The following SPTB variants were observed in gnomAD, a reference collection of about 807,000 sequenced individuals.
SPTB encodes spectrin beta, erythrocytic.
A neutral mutation model predicts 256.2 loss-of-function variants in SPTB; 45 were observed. That is an observed-to-expected ratio of 0.18 (90% CI 0.14 to 0.23). The LOEUF (loss-of-function observed/expected upper bound fraction) is 0.23. Among genes scored for constraint, SPTB ranks in the 10% least tolerant of loss-of-function variants. The probability of loss-of-function intolerance (pLI) is 1.00; values close to 1 mark genes in which losing one functional copy is unlikely to be tolerated. For missense variants in SPTB, 2,715 were observed against 3,040.4 expected, an observed-to-expected ratio of 0.89 and a Z score of 2.52; for synonymous variants, 1,231 against 1,243.1, an observed-to-expected ratio of 0.99 and a Z score of 0.21.
intron 1 of SPTB, among the ~76,000 whole-genome samples, chr14:64,829,853 A>G (rs142551200): frequency 4.5e-4 from 68 of 152,292 alleles, no homozygotes; most frequent in African/African-American, 1.6e-3. Context: ...CTCCAAGATC[A>G]TCTCCCCACA....
intron 1 of SPTB, among the ~76,000 whole-genome samples, chr14:64,834,708 A>T (rs2083496235): frequency 6.6e-6 from 1 of 152,172 alleles, no homozygotes; most frequent in Admixed American, 6.5e-5. Flanking sequence ...TACAGGCATG[A>T]GCCACCGTGC....
rs747851511 is a variant in SPTB, at chr14:64,770,978, G to A, written c.5705C>T (p.Thr1902Met). The A allele has an allele frequency of 2.0e-5, 32 of 1,613,996 alleles. No individual in the cohort carries two copies. The highest frequency in any genetic ancestry group is 1.1e-4 in the African/African-American group (8 of 74,936). The change falls in exon 27 of 36, where the codon ACG becomes ATG. Residue 1902 changes from threonine to methionine, a missense_variant. Physicochemically the swap from Thr to Met is moderately conservative, Grantham distance 81. Around this residue, in one of 4 missense-constraint regions of SPTB, gnomAD observed 2,239 missense variants for 2,384.4 expected, o/e 0.94. Coordinates refer to ENST00000644917, the MANE Select transcript of SPTB (RefSeq NM_001355436.2). ...GCTGAAGAAGCGGAATTTATCCGCC[G>A]TGTCCACTAGCTGGGTCCGGCGCCC... is the stretch of plus-strand genomic sequence containing the variant. Reference protein sequence around the residue: ...CAGRRTQLVDTADKFRFFSMA... With the variant: ...CAGRRTQLVDMADKFRFFSMA...
At chr14:64,757,006 C>T (rs1209022748) in intron 32 of SPTB, 1 of 152,352 alleles carries the variant, frequency 6.6e-6, no homozygotes, top group African/African-American at 2.4e-5. Context: ...TTCTGTGGAT[C>T]CTGCGCTCTG....
At position 64,785,683 on chromosome 14, in the gene SPTB, A is replaced by G. The variant is rs575714095; in HGVS notation, c.3765-56T>C. On this transcript the variant is annotated intron_variant, in intron 17 of 35. Transcript: ENST00000644917. The surrounding 1 kb of genome is among the most constrained non-coding windows in gnomAD (Gnocchi z 4.4). ...TAGTGCCGAGCTTGGGGTCCTCACC[A>G]AGCTTGGGGTCCTCACTACCCCCGT... 6.1e-5 allele frequency: 99 copies of G among 1,613,372 alleles called. 1 individual carries two copies. Among genetic ancestry groups the G allele is most frequent in the African/African-American group, 2.4e-4 (18 of 74,974 alleles).
At chr14:64,855,067 A>G (rs1229941044) in intron 1 of SPTB, among the ~76,000 whole-genome samples, 1 of 152,208 alleles carries the variant, frequency 6.6e-6, no homozygotes, top group African/African-American at 2.4e-5. Context: ...CTGTGGTCAA[A>G]TGACAGCAGA....
chr14:64,834,050 G>A (rs1240651575), intron 1 of SPTB, among the ~76,000 whole-genome samples: 4 of 151,952 alleles, frequency 2.6e-5, no homozygotes, highest in South Asian at 4.1e-4. Flanking sequence ...TTTTTAAAAC[G>A]GAGTCTCACT....
chr14:64,819,102 C>T (rs986249143), intron 2 of SPTB, among the ~76,000 whole-genome samples: 2 of 152,194 alleles, frequency 1.3e-5, no homozygotes, highest in African/African-American at 2.4e-5. Flanking sequence ...AAGGTCAAAT[C>T]CACCCCCTTA....
In SPTB at chr14:64,802,408, C is replaced by G; in HGVS notation, c.475-91G>C. ...CCCTGGGAGGCTCCCTCCCTCATCCCCCCTTCACTTAACACTAATTCATCC... is the reference window on the plus strand; with the variant it reads ...CCCTGGGAGGCTCCCTCCCTCATCCGCCCTTCACTTAACACTAATTCATCC... On this transcript the variant is annotated intron_variant, in intron 4 of 35. Transcript: ENST00000644917. The surrounding 1 kb of genome is among the most constrained non-coding windows in gnomAD (Gnocchi z 5.1). The G allele has an allele frequency of 1.7e-6, 2 of 1,200,966 alleles. No homozygotes were observed. The highest frequency in any genetic ancestry group is 2.4e-6 in the Non-Finnish European group (2 of 825,168). The allele number at this position is 1,200,966 out of a possible 1,614,324, so 74.4% of individuals were successfully genotyped here.
At position 64,774,970 on chromosome 14, in the gene SPTB, C is replaced by T. The variant is rs558720598; in HGVS notation, c.4842+155G>A. 9.2e-4 allele frequency among the ~76,000 whole-genome samples: 140 copies of T among 152,240 alleles called. 2 individuals carry two copies. The highest frequency in any genetic ancestry group is 1.7e-3 in the South Asian group (8 of 4,824). On this transcript the variant is annotated intron_variant, in intron 23 of 35. Coordinates refer to ENST00000644917, the MANE Select transcript of SPTB (RefSeq NM_001355436.2). ...CCCTGCAGGGGTGTGTTCAAGGAGG[C>T]ACCAAGGGAGGGCAGGGAGTCTGTG...
chr14:64,835,420 A>G (rs2083509742), intron 1 of SPTB, among the ~76,000 whole-genome samples: 1 of 152,054 alleles, frequency 6.6e-6, no homozygotes, highest in Non-Finnish European at 1.5e-5. Flanking sequence ...TAGTTTTTGT[A>G]TTTTTAATAG....
rs774462377 is a variant in SPTB at position 64,785,530 on chromosome 14, G to A, written c.3855+7C>T. 1 of 1,610,482 alleles carries A rather than the reference G, an allele frequency of 6.2e-7. No homozygotes were observed. Among genetic ancestry groups the A allele is most frequent in the South Asian group, 1.1e-5 (1 of 90,398 alleles). On this transcript the variant is annotated splice_region_variant and intron_variant, in intron 18 of 35. Coordinates refer to ENST00000644917, the MANE Select transcript of SPTB (RefSeq NM_001355436.2). The surrounding 1 kb of genome is among the most constrained non-coding windows in gnomAD (Gnocchi z 4.4). Reference sequence around the variant, plus strand: ...AGGAAAGCAGCCACTCCTTGCTGGAGCCTCACCTCCTGGCAGTTCTGGAGG... The same window carrying A: ...AGGAAAGCAGCCACTCCTTGCTGGAACCTCACCTCCTGGCAGTTCTGGAGG...
At chr14:64,752,311 C>T in intron 33 of SPTB, 1 of 1,269,640 alleles carries the variant, frequency 7.9e-7, no homozygotes, top group Non-Finnish European at 1.0e-6. Context: ...CCCTCTTCTC[C>T]CTTACTTTTG....
chr14:64,835,738 A>G (rs1339336744), intron 1 of SPTB, among the ~76,000 whole-genome samples: 3 of 152,368 alleles, frequency 2.0e-5, no homozygotes, highest in East Asian at 1.9e-4. Flanking sequence ...CAGAGCTAGA[A>G]AGGGAATCTG....
intron 32 of SPTB, among the ~76,000 whole-genome samples, chr14:64,761,272 G>T (rs1234976054): frequency 6.6e-6 from 1 of 152,220 alleles, no homozygotes; most frequent in Non-Finnish European, 1.5e-5. Flanking sequence ...GTTTGCAAGA[G>T]AAGAAAAAGA....
rs192313374 is a variant in SPTB, at chr14:64,831,406, C to T, written c.-51-8261G>A. ...TTGACAAAGTTGCCAAGGACATGAACGGGTAATTCATAGTAGTGAAAACCT... is the reference window on the plus strand; with the variant it reads ...TTGACAAAGTTGCCAAGGACATGAATGGGTAATTCATAGTAGTGAAAACCT... On this transcript the variant is annotated intron_variant, in intron 1 of 35. Coordinates refer to ENST00000644917, the MANE Select transcript of SPTB (RefSeq NM_001355436.2). 1.2e-4 allele frequency among the ~76,000 whole-genome samples: 18 copies of T among 152,330 alleles called. No individual in the cohort carries two copies. In the East Asian group the frequency reaches 1.7e-3, roughly 15 times the overall value.
At chr14:64,811,108 C>A (rs1189428311) in intron 2 of SPTB, among the ~76,000 whole-genome samples, 1 of 151,316 alleles carries the variant, frequency 6.6e-6, no homozygotes, top group East Asian at 1.9e-4. Context: ...TTGAGACCCA[C>A]CTCGAAAAAA....
At chr14:64,799,972 G>T in intron 8 of SPTB, 38 bp from the exon 9 acceptor site, 4 of 1,608,326 alleles carry the variant, frequency 2.5e-6, no homozygotes, top group Non-Finnish European at 3.4e-6. Context: ...CATCAGAAGG[G>T]CAATGCCACC....
rs1218914224 is a variant in SPTB at position 64,866,744 on chromosome 14, C to T, written c.-52+13048G>A. On this transcript the variant is annotated intron_variant, in intron 1 of 35. Transcript: ENST00000644917. The surrounding 1 kb of genome is among the most constrained non-coding windows in gnomAD (Gnocchi z 4.6). ...GGGTAAGGCAGAAATGAGGGCAGAACAAGCCAACCAAAAAATACTGTAATA... is the reference window on the plus strand; with the variant it reads ...GGGTAAGGCAGAAATGAGGGCAGAATAAGCCAACCAAAAAATACTGTAATA... Among the ~76,000 whole-genome samples the T allele has an allele frequency of 2.0e-5, 3 of 152,126 alleles. No homozygotes were observed. In the East Asian group the frequency reaches 5.8e-4, roughly 29 times the overall value.
Position 64,847,810 on chromosome 14 carries a change from G to A in SPTB, c.-51-24665C>T, listed in dbSNP as rs1166622106. On this transcript the variant is annotated intron_variant, in intron 1 of 35. Transcript: ENST00000644917. This position sits in a 1 kb window ranked among gnomAD's most constrained non-coding sequence, Gnocchi z 5.9. Reference sequence around the variant, plus strand: ...TGTCAGCCAGCACAGAGCAGCTCTTGGGAAGCATGCCTTATTTCCTCAATG... The same window carrying A: ...TGTCAGCCAGCACAGAGCAGCTCTTAGGAAGCATGCCTTATTTCCTCAATG... Among the ~76,000 whole-genome samples the A allele has an allele frequency of 6.6e-6, 1 of 152,116 alleles. No individual in the cohort carries two copies. The highest frequency in any genetic ancestry group is 1.5e-5 in the Non-Finnish European group (1 of 68,030).
Sources: allele counts gnomAD v4.1 joint callset (sites outside exome capture counted in the v4.1 genomes callset), GRCh38; gene constraint gnomAD v4.1.1; regional missense constraint gnomAD v4.1.1; non-coding constraint Gnocchi (gnomAD v3.1); transcripts MANE v1.5; gene names NCBI Gene and HGNC (gene_info 2026-07-23, HGNC 2026-07-21).